The following WWC1 variants were observed in gnomAD, a reference collection of about 807,000 sequenced individuals.
The protein encoded by WWC1 is WW and C2 domain containing 1, also known as protein KIBRA.
WWC1 carries 55 observed loss-of-function variants against 138.4 expected under a neutral mutation model. The observed-to-expected ratio is 0.40, with a 90% CI of 0.32 to 0.50. WWC1 has a LOEUF of 0.50. Ranked by LOEUF, WWC1 falls within the 20% of genes least tolerant of loss-of-function variation. WWC1 has a pLI of 0.72. For missense variants in WWC1, 1,226 were observed against 1,420.4 expected (o/e 0.86, Z 2.20); for synonymous variants, 524 against 564.9 (o/e 0.93, Z 1.03).
At chr5:168,405,910 A>G (rs1582182002) in intron 5 of WWC1, among the ~76,000 whole-genome samples, 1 of 152,024 alleles carries the variant, frequency 6.6e-6, no homozygotes, top group African/African-American at 2.4e-5. Flanking sequence ...TATTTTTGGT[A>G]GAGACGGGGT....
At chr5:168,380,424 T>G (rs1472393607) in intron 2 of WWC1, among the ~76,000 whole-genome samples, 1 of 151,994 alleles carries the variant, frequency 6.6e-6, no homozygotes, top group Non-Finnish European at 1.5e-5. Flanking sequence ...CTGGACAGCA[T>G]AGTGAGACCC....
intron 5 of WWC1, among the ~76,000 whole-genome samples, chr5:168,404,177 G>C (rs1779606956): frequency 6.6e-6 from 1 of 152,094 alleles, no homozygotes; most frequent in Non-Finnish European, 1.5e-5. Context: ...GAGGACAGCT[G>C]GGCACAGCCC....
Position 168,467,653 on chromosome 5 carries a change from A to G in WWC1, c.3151-187A>G, listed in dbSNP as rs1582407309. 26 of 860,472 alleles carry G rather than the reference A, an allele frequency of 3.0e-5. No individual in the cohort carries two copies. In the East Asian group the frequency reaches 7.2e-4, roughly 24 times the overall value. 53.3% of individuals were successfully genotyped at this position (860,472 alleles called of 1,614,324 possible). On this transcript the variant is annotated intron_variant, in intron 21 of 22. Coordinates refer to ENST00000265293, the MANE Select transcript of WWC1 (RefSeq NM_015238.3). ...ACAGTTATTCCGTTTCCTGGCCCCA[A>G]AAATCTAGTCACTCAAACAGATGAT...
At position 168,421,998 on chromosome 5, in the gene WWC1, C is replaced by T. The variant is rs369058418; in HGVS notation, c.1185-10C>T. On this transcript the variant is annotated splice_polypyrimidine_tract_variant and intron_variant, in intron 9 of 22. Transcript: ENST00000265293. ...TTGGTGCATCCCTCGCATGCTTTCT[C>T]TCCTTCCAGGTTAAAGTTAAACAGT... The T allele has an allele frequency of 9.9e-6, 16 of 1,609,164 alleles. No individual in the cohort carries two copies. The highest frequency in any genetic ancestry group is 9.4e-5 in the African/African-American group (7 of 74,828).
intron 2 of WWC1, among the ~76,000 whole-genome samples, chr5:168,375,124 G>T (rs552531982): frequency 1.3e-5 from 2 of 152,106 alleles, no homozygotes; most frequent in African/African-American, 4.8e-5. Context: ...TTAGGAGAGA[G>T]GTCTGGGCTG....
At chr5:168,460,076 G>T (rs923400464) in intron 19 of WWC1, among the ~76,000 whole-genome samples, 6 of 152,166 alleles carry the variant, frequency 3.9e-5, no homozygotes, top group African/African-American at 9.7e-5. Context: ...GTTACGATCT[G>T]CCCCATCATC....
intron 1 of WWC1, among the ~76,000 whole-genome samples, chr5:168,338,197 G>T (rs1269074244): frequency 6.6e-6 from 1 of 151,436 alleles, no homozygotes; most frequent in Non-Finnish European, 1.5e-5. Context: ...TGTAATCCCA[G>T]CTACTCAGGA....
chr5:168,406,886 G>A (rs1192645289), intron 6 of WWC1, among the ~76,000 whole-genome samples: 1 of 152,168 alleles, frequency 6.6e-6, no homozygotes, highest in Non-Finnish European at 1.5e-5. Flanking sequence ...AGCTTGCAGT[G>A]AGCCGAGATA....
intron 8 of WWC1, 145 bp from the exon 9 acceptor site, chr5:168,414,203 A>G (rs756620231): frequency 1.0e-5 from 13 of 1,280,698 alleles, no homozygotes; most frequent in African/African-American, 1.5e-5. Flanking sequence ...GTTTAGAAAA[A>G]AAATAGGTTC....
intron 1 of WWC1, among the ~76,000 whole-genome samples, chr5:168,333,884 C>A (rs983036230): frequency 1.7e-4 from 26 of 151,916 alleles, no homozygotes; most frequent in Non-Finnish European, 3.7e-4. Flanking sequence ...CATCCCCTTG[C>A]ATAAAACACT....
chr5:168,379,984 C>T (rs1777492547), intron 2 of WWC1, among the ~76,000 whole-genome samples: 1 of 151,966 alleles, frequency 6.6e-6, no homozygotes, highest in African/African-American at 2.4e-5. Flanking sequence ...AAGCACTAAC[C>T]AGAAAAGAAA....
chr5:168,318,688 T>C (rs571116489), intron 1 of WWC1, among the ~76,000 whole-genome samples: 220 of 151,784 alleles, frequency 1.4e-3, no homozygotes, highest in African/African-American at 4.9e-3. Flanking sequence ...GCCTCCCAAA[T>C]AGCTGGGATT....
intron 8 of WWC1, chr5:168,412,222 T>C: frequency 1.0e-6 from 1 of 983,040 alleles, no homozygotes; most frequent in Non-Finnish European, 1.2e-6. Flanking sequence ...CATCTGACTT[T>C]ATGCAGCCTC....
intron 5 of WWC1, among the ~76,000 whole-genome samples, chr5:168,403,510 T>C (rs1282021634): frequency 6.6e-6 from 1 of 152,180 alleles, no homozygotes; most frequent in East Asian, 1.9e-4. Flanking sequence ...TTAGTTCAAT[T>C]CATAGTCAGC....
intron 17 of WWC1, among the ~76,000 whole-genome samples, chr5:168,446,642 C>T (rs1755297012): frequency 6.6e-6 from 1 of 152,230 alleles, no homozygotes; most frequent in Non-Finnish European, 1.5e-5. Flanking sequence ...CAGAAGCCCA[C>T]ACCTTGTGTC....
At chr5:168,422,157 A>G in intron 10 of WWC1, 60 bp downstream of exon 10, 1 of 1,534,168 alleles carries the variant, frequency 6.5e-7, no homozygotes, top group Non-Finnish European at 9.0e-7. Flanking sequence ...GGGTGTCCCC[A>G]GTGTCCCAGC....
At chr5:168,351,628 G>T (rs1331661458) in intron 1 of WWC1, among the ~76,000 whole-genome samples, 1 of 152,218 alleles carries the variant, frequency 6.6e-6, no homozygotes, top group East Asian at 1.9e-4. Context: ...GGCTGCAGGT[G>T]GGAGACAGTG....
At chr5:168,414,627 C>G (rs1780463843) in intron 9 of WWC1, 37 bp downstream of exon 9, 2 of 1,522,182 alleles carry the variant, frequency 1.3e-6, no homozygotes, top group South Asian at 1.3e-5. Context: ...GGACCCTTCT[C>G]TCACTGGCAG....
intron 1 of WWC1, among the ~76,000 whole-genome samples, chr5:168,330,603 T>C (rs1321942035): frequency 6.6e-6 from 1 of 152,150 alleles, no homozygotes; most frequent in African/African-American, 2.4e-5. Context: ...GAGGTGATCC[T>C]GGGGCAAATA....
Sources: allele counts gnomAD v4.1 joint callset (sites outside exome capture counted in the v4.1 genomes callset), GRCh38; gene constraint gnomAD v4.1.1; transcripts MANE v1.5; gene names NCBI Gene and HGNC (gene_info 2026-07-23, HGNC 2026-07-21).